Variants in GPM6B observed in about 807,000 individuals in gnomAD.
GPM6B encodes neuronal membrane glycoprotein M6-b.
Under a neutral mutation model 27.2 loss-of-function variants are expected in GPM6B, and 4 were observed. That is an observed-to-expected ratio of 0.15 (90% CI 0.07 to 0.34). GPM6B has a LOEUF of 0.34. Among genes scored for constraint, GPM6B ranks in the 10% least tolerant of loss-of-function variants. GPM6B has a pLI of 1.00. For synonymous variants in GPM6B, 124 were observed against 103.1 expected (o/e 1.20, Z -1.23); for missense variants, 183 against 261.9 (o/e 0.70, Z 2.08).
intron 1 of GPM6B, among the ~76,000 whole-genome samples, chrX:13,872,744 C>T (rs5934137): frequency 0.44 from 48,114 of 109,238 alleles, 8,913 homozygotes; most frequent in Non-Finnish European, 0.59. Context: ...TGGTCAGAGA[C>T]AGGACAAGGA....
rs780726968 is a variant in GPM6B at position 13,777,403 on chromosome X, G to A, written c.720C>T (p.Phe240=). 18 of 1,201,233 alleles carry A rather than the reference G, an allele frequency of 1.5e-5. No individual in the cohort carries two copies. Among genetic ancestry groups the A allele is most frequent in the Non-Finnish European group, 1.9e-5 (17 of 885,907 alleles). The part of the protein sequence containing the change: ...RQYGIIPWNA[F]PGKICGSALE... ...GGGCAGAGCCACATATTTTTCCGGG[G>A]AAAGCATTCCAAGGAATGATACCTG... The change falls in exon 6 of 8, where the codon TTC becomes TTT. Residue 240 remains phenylalanine, a synonymous_variant. Transcript: ENST00000316715.
At chrX:13,782,222 C>T (rs764290762) in intron 4 of GPM6B, among the ~76,000 whole-genome samples, 20 of 111,837 alleles carry the variant, frequency 1.8e-4, no homozygotes, top group Non-Finnish European at 3.0e-4. Flanking sequence ...AGGGGGCTTT[C>T]GACTTTCTCC....
In GPM6B at chrX:13,808,021, A is replaced by G. The variant is rs3213629; in HGVS notation, c.62-252T>C. Among the ~76,000 whole-genome samples, 1,077 of 112,322 alleles carry G rather than the reference A, an allele frequency of 9.6e-3. 14 individuals carry two copies. Among genetic ancestry groups the G allele is most frequent in the East Asian group, 0.09 (325 of 3,593 alleles). Reference sequence around the variant, plus strand: ...CAACACACACCATATCCTGCTTCTTAAAATGCTCATTTGGGGAAGATACTA... The same window carrying G: ...CAACACACACCATATCCTGCTTCTTGAAATGCTCATTTGGGGAAGATACTA... On this transcript the variant is annotated intron_variant, in intron 1 of 7. Transcript: ENST00000316715.
intron 1 of GPM6B, among the ~76,000 whole-genome samples, chrX:13,864,902 T>C (rs1266334377): frequency 3.6e-5 from 4 of 112,085 alleles, no homozygotes; most frequent in Admixed American, 1.9e-4. Context: ...ACAGTGTTTT[T>C]CCCTGTATAT....
At chrX:13,885,039 C>G (rs2050121842) in intron 1 of GPM6B, among the ~76,000 whole-genome samples, 1 of 111,702 alleles carries the variant, frequency 9.0e-6, no homozygotes, top group African/African-American at 3.3e-5. Context: ...TCATATGTCA[C>G]CTCATCGAGG....
intron 1 of GPM6B, among the ~76,000 whole-genome samples, chrX:13,900,068 G>A (rs1301455852): frequency 9.0e-6 from 1 of 111,717 alleles, no homozygotes; most frequent in Non-Finnish European, 1.9e-5. Context: ...ATTTAATAGA[G>A]TGAAGTTAGA....
chrX:13,812,044 CTTTCTT>C (rs1207665828), intron 1 of GPM6B, among the ~76,000 whole-genome samples: 5 of 82,653 alleles, frequency 6.0e-5, no homozygotes, highest in Non-Finnish European at 9.1e-5. Context: ...CTTTTCTTTT[CTTTCTT>C]TTTTTTTTTT....
intron 2 of GPM6B, among the ~76,000 whole-genome samples, chrX:13,795,304 A>G (rs981982666): frequency 4.4e-5 from 5 of 112,624 alleles, no homozygotes; most frequent in African/African-American, 1.6e-4. Flanking sequence ...GTACAAAAAT[A>G]TCATCAATAT....
intron 3 of GPM6B, among the ~76,000 whole-genome samples, chrX:13,784,772 C>T (rs113588381): frequency 1.8e-5 from 2 of 112,249 alleles, no homozygotes; most frequent in African/African-American, 6.5e-5. Context: ...AGATCTGCTG[C>T]TAAACCCCTG....
At chrX:13,787,740 G>A (rs941626397) in intron 2 of GPM6B, among the ~76,000 whole-genome samples, 1 of 111,824 alleles carries the variant, frequency 8.9e-6, no homozygotes, top group Non-Finnish European at 1.9e-5. Flanking sequence ...TTCTCTCCAG[G>A]TTCCCAAACT....
At chrX:13,834,521 T>C (rs1461519393) in intron 1 of GPM6B, among the ~76,000 whole-genome samples, 2 of 112,665 alleles carry the variant, frequency 1.8e-5, no homozygotes, top group African/African-American at 6.5e-5. Flanking sequence ...AGTAAGCGAA[T>C]GCATGCCATG....
chrX:13,807,868 A>T (rs2049052093), intron 1 of GPM6B, 99 bp from the exon 2 acceptor site: 1 of 817,108 alleles, frequency 1.2e-6, no homozygotes. Context: ...GGAAATGGGG[A>T]GTTTAAAAAA....
intron 1 of GPM6B, among the ~76,000 whole-genome samples, chrX:13,815,370 C>T (rs1375203050): frequency 9.0e-6 from 1 of 111,325 alleles, no homozygotes; most frequent in Admixed American, 9.5e-5. Context: ...AGTCTCTAGT[C>T]ATCATGGAAA....
intron 1 of GPM6B, among the ~76,000 whole-genome samples, chrX:13,808,551 T>G (rs184421370): frequency 6.2e-5 from 7 of 112,077 alleles, no homozygotes; most frequent in African/African-American, 2.3e-4. Flanking sequence ...TAAAAGTTAG[T>G]TGAATTACAA....
At chrX:13,862,829 G>A (rs1158462632) in intron 1 of GPM6B, among the ~76,000 whole-genome samples, 1 of 108,176 alleles carries the variant, frequency 9.2e-6, no homozygotes, top group Non-Finnish European at 1.9e-5. Context: ...TGGGACTACA[G>A]GTACATGCCA....
upstream of GPM6B, among the ~76,000 whole-genome samples, chrX:13,818,614 T>C (rs774216545): frequency 1.5e-4 from 17 of 112,456 alleles, no homozygotes; most frequent in Non-Finnish European, 3.0e-4. Flanking sequence ...CAATCAAATA[T>C]GTATTCCCTC....
At chrX:13,805,731 C>G (rs959224522) in intron 2 of GPM6B, among the ~76,000 whole-genome samples, 2 of 111,693 alleles carry the variant, frequency 1.8e-5, no homozygotes, top group Admixed American at 9.5e-5. Context: ...TTATTCCCCC[C>G]CAATAAGATA....
chrX:13,915,832 C>T (rs1054693336), intron 1 of GPM6B, among the ~76,000 whole-genome samples: 3 of 112,018 alleles, frequency 2.7e-5, no homozygotes, highest in Non-Finnish European at 5.6e-5. Context: ...ATATGTATTA[C>T]GTATATGTGT....
chrX:13,782,774 GAA>G (rs5901518), intron 4 of GPM6B, among the ~76,000 whole-genome samples: 4 of 90,114 alleles, frequency 4.4e-5, no homozygotes, highest in South Asian at 5.5e-4. Flanking sequence ...AAAAAAAAAA[GAA>G]AAAAAAAAAA....
Sources: gnomAD v4.1 joint callset for allele counts (sites outside exome capture counted in the v4.1 genomes callset) on GRCh38, gnomAD v4.1.1 for gene constraint, MANE v1.5 for transcripts, NCBI Gene and HGNC (gene_info 2026-07-23, HGNC 2026-07-21) for gene names.